The following APBB1IP variants were observed in gnomAD, a reference collection of about 807,000 sequenced individuals.
The protein encoded by APBB1IP is amyloid beta A4 precursor protein-binding family B member 1-interacting protein.
APBB1IP carries 27 observed loss-of-function variants against 64.9 expected under a neutral mutation model. The ratio of observed to expected loss-of-function variants is 0.42; its 90% CI spans 0.31 to 0.57. The LOEUF (loss-of-function observed/expected upper bound fraction) is 0.57. APBB1IP is among the 20% of genes least tolerant of loss of function. The probability of loss-of-function intolerance (pLI) is 0.20; values close to 1 mark genes in which losing one functional copy is unlikely to be tolerated. For missense variants in APBB1IP, 812 were observed against 845.5 expected (o/e 0.96, Z 0.49); for synonymous variants, 392 against 331.0 (o/e 1.18, Z -2.00).
chr10:26,536,315 G>T, intron 10 of APBB1IP, 98 bp downstream of exon 10: 1 of 1,326,642 alleles, frequency 7.5e-7, no homozygotes, highest in Non-Finnish European at 1.0e-6. Context: ...ATTCTCTGTT[G>T]CTGCAGATTC....
intron 13 of APBB1IP, among the ~76,000 whole-genome samples, 179 bp downstream of exon 13, chr10:26,561,023 C>T (rs996011055): frequency 9.3e-5 from 14 of 149,824 alleles, no homozygotes; most frequent in Non-Finnish European, 1.5e-5. Flanking sequence ...ACCCCTATAA[C>T]ATCTGTTTTC....
intron 2 of APBB1IP, among the ~76,000 whole-genome samples, chr10:26,481,485 T>C (rs1835833596): frequency 6.6e-6 from 1 of 152,158 alleles, no homozygotes; most frequent in South Asian, 2.1e-4. Flanking sequence ...TTATTTTTGT[T>C]TTTATTTTTT....
Position 26,503,258 on chromosome 10 carries a change from A to T in APBB1IP, c.515A>T (p.Glu172Val). 6.2e-7 allele frequency: 1 copy of T among 1,614,132 alleles called. No homozygotes were observed. Among genetic ancestry groups the T allele is most frequent in the Non-Finnish European group, 8.5e-7 (1 of 1,179,988 alleles). ...AAGCTGGCGCTGGAAAAACTGAAGGAGGCCAAGGTTAAGAAGGTGAATCAT... is the reference window on the plus strand; with the variant it reads ...AAGCTGGCGCTGGAAAAACTGAAGGTGGCCAAGGTTAAGAAGGTGAATCAT... Reference protein sequence around the residue: ...KIKLALEKLKEAKVKKLVVKV... With the variant: ...KIKLALEKLKVAKVKKLVVKV... The change falls in exon 6 of 15, where the codon GAG (glutamate) becomes GTG (valine). Residue 172 changes from glutamate to valine, a missense_variant. This residue lies in a region of APBB1IP where 394 missense variants were observed against 413.1 expected (regional missense o/e 0.95). Coordinates refer to ENST00000376236, the MANE Select transcript of APBB1IP (RefSeq NM_019043.4).
chr10:26,526,220 C>G (rs1836471565), intron 8 of APBB1IP, among the ~76,000 whole-genome samples: 1 of 152,086 alleles, frequency 6.6e-6, no homozygotes, highest in South Asian at 2.1e-4. Context: ...GCTAGAAGCC[C>G]TAAGAATCTC....
intron 2 of APBB1IP, among the ~76,000 whole-genome samples, chr10:26,488,712 T>C (rs566960993): frequency 3.1e-4 from 47 of 152,314 alleles, no homozygotes; most frequent in African/African-American, 9.1e-4. Flanking sequence ...ATCCCAACAA[T>C]ACACACAAAA....
At chr10:26,513,744 C>T (rs1836290358) in intron 8 of APBB1IP, 84 bp downstream of exon 8, 5 of 1,474,636 alleles carry the variant, frequency 3.4e-6, no homozygotes, top group Non-Finnish European at 4.5e-6. Context: ...AGGCTGGAGA[C>T]AGGGTCTGAA....
intron 2 of APBB1IP, among the ~76,000 whole-genome samples, chr10:26,477,245 C>T (rs1225486700): frequency 2.6e-5 from 4 of 152,152 alleles, no homozygotes; most frequent in South Asian, 2.1e-4. Context: ...GTGGGGCACA[C>T]GATGTCACAT....
chr10:26,484,011 A>G (rs1200747402), intron 2 of APBB1IP, among the ~76,000 whole-genome samples: 1 of 152,246 alleles, frequency 6.6e-6, no homozygotes, highest in South Asian at 2.1e-4. Context: ...AAGACTAAGC[A>G]TAACTAAAAG....
intron 9 of APBB1IP, 115 bp downstream of exon 9, chr10:26,533,640 G>A (rs905915571): frequency 6.9e-5 from 38 of 549,636 alleles, no homozygotes; most frequent in Non-Finnish European, 2.4e-5. Context: ...ATTTTAAGTT[G>A]GGGTGTTAAA....
intron 2 of APBB1IP, among the ~76,000 whole-genome samples, chr10:26,487,593 G>C (rs1835907855): frequency 6.6e-6 from 1 of 152,130 alleles, no homozygotes; most frequent in African/African-American, 2.4e-5. Flanking sequence ...GCAGGGGAAA[G>C]GGCAGGGGGA....
intron 9 of APBB1IP, among the ~76,000 whole-genome samples, 163 bp downstream of exon 9, chr10:26,533,688 C>G (rs966335103): frequency 3.9e-5 from 6 of 151,948 alleles, no homozygotes; most frequent in Non-Finnish European, 8.8e-5. Flanking sequence ...TTAGATAATT[C>G]AACTGTTTTT....
chr10:26,497,160 G>C (rs1190134227), intron 4 of APBB1IP, among the ~76,000 whole-genome samples: 1 of 152,090 alleles, frequency 6.6e-6, no homozygotes, highest in African/African-American at 2.4e-5. Flanking sequence ...CTGGGCAACA[G>C]AGTGAGATTC....
At chr10:26,538,984 G>A (rs1836663265) in intron 10 of APBB1IP, among the ~76,000 whole-genome samples, 1 of 152,162 alleles carries the variant, frequency 6.6e-6, no homozygotes. Flanking sequence ...AAAGAATGTG[G>A]TATTCAACAA....
chr10:26,516,807 T>C (rs988533172), intron 8 of APBB1IP, among the ~76,000 whole-genome samples: 13 of 152,150 alleles, frequency 8.5e-5, no homozygotes, highest in Admixed American at 7.9e-4. Flanking sequence ...GCTTTCAGCT[T>C]ACTTTATTCC....
At chr10:26,558,772 G>A (rs1320699079) in intron 11 of APBB1IP, among the ~76,000 whole-genome samples, 1 of 152,142 alleles carries the variant, frequency 6.6e-6, no homozygotes, top group Non-Finnish European at 1.5e-5. Flanking sequence ...GTGAGACCCT[G>A]TCTTAAAAAA....
At chr10:26,456,363 G>A (rs1835525418) in intron 2 of APBB1IP, among the ~76,000 whole-genome samples, 1 of 152,184 alleles carries the variant, frequency 6.6e-6, no homozygotes, top group Non-Finnish European at 1.5e-5. Flanking sequence ...AAATAGCAGT[G>A]ATAGCAGCGG....
Position 26,501,084 on chromosome 10 carries a change from A to G in APBB1IP, c.426A>G (p.Pro142=), listed in dbSNP as rs561010366. ...ATCCTGTGTTAGACCTTCCACTGCC[A>G]CCACCACCTCCTGAACCTCTCTCTC... ...PADPVLDLPL[P]PPPPEPLSQE... The change falls in exon 5 of 15, where the codon CCA becomes CCG. Residue 142 remains proline (P), a synonymous_variant. Transcript: ENST00000376236. The G allele has an allele frequency of 3.1e-6, 5 of 1,614,168 alleles. No individual in the cohort carries two copies. The African/African-American group carries it at 6.7e-5, about 22-fold the overall frequency.
intron 5 of APBB1IP, 52 bp downstream of exon 5, chr10:26,501,163 A>G: frequency 6.2e-7 from 1 of 1,608,556 alleles, no homozygotes; most frequent in Non-Finnish European, 8.5e-7. Flanking sequence ...GCTACCTATC[A>G]CTGATGTTCC....
At chr10:26,558,140 A>AACACAAAC (rs766342747) in intron 11 of APBB1IP, among the ~76,000 whole-genome samples, 2 of 148,894 alleles carry the variant, frequency 1.3e-5, no homozygotes, top group African/African-American at 2.5e-5. Context: ...CACACACACA[A>AACACAAAC]ACACACACAC....
Sources: allele counts gnomAD v4.1 joint callset (sites outside exome capture counted in the v4.1 genomes callset), GRCh38; gene constraint gnomAD v4.1.1; regional missense constraint gnomAD v4.1.1; transcripts MANE v1.5; gene names NCBI Gene and HGNC (gene_info 2026-07-23, HGNC 2026-07-21).